ASH2L: variants seen among roughly 807,000 people sequenced by gnomAD.
ASH2L encodes set1/Ash2 histone methyltransferase complex subunit ASH2.
In ASH2L, 30 loss-of-function variants were observed where a neutral mutation model predicts 81.1. The observed-to-expected ratio is 0.37, with a 90% confidence interval of 0.28 to 0.50. The LOEUF (loss-of-function observed/expected upper bound fraction) is 0.50. Among genes scored for constraint, ASH2L ranks in the 20% least tolerant of loss-of-function variants. ASH2L has a pLI of 0.95. For synonymous variants in ASH2L, 273 were observed against 279.9 expected, an observed-to-expected ratio of 0.98 and a Z score of 0.24; for missense variants, 559 against 792.1, an observed-to-expected ratio of 0.71 and a Z score of 3.53.
In ASH2L at chr8:38,119,275, A is replaced by T. The variant is rs928034168; in HGVS notation, c.859A>T (p.Ile287Phe). The change falls in exon 9 of 16, where the codon ATT becomes TTT. Residue 287 changes from isoleucine (I) to phenylalanine (F), a missense_variant. By Grantham distance (21) the Ile-to-Phe change is conservative. This residue lies in a region of ASH2L where 318 missense variants were observed against 527.0 expected (regional missense o/e 0.60). Coordinates refer to ENST00000343823, the MANE Select transcript of ASH2L (RefSeq NM_004674.5). The part of the protein sequence containing the change: ...VSTSGNLNGG[I>F]AAGSSGKGRG... ...AATCTGCCTTCTCTTCAAAGGGGGA[A>T]TTGCAGCAGGAAGCAGCGGAAAAGG... The T allele has an allele frequency of 1.3e-6, 2 of 1,550,490 alleles. No individual in the cohort carries two copies. Among genetic ancestry groups the T allele is most frequent in the Non-Finnish European group, 1.7e-6 (2 of 1,146,476 alleles).
At chr8:38,105,864 C>G (rs913797855) in intron 1 of ASH2L, 126 bp downstream of exon 1, 1 of 1,442,318 alleles carries the variant, frequency 6.9e-7, no homozygotes, top group South Asian at 1.4e-5. Context: ...GCTCGCCCTG[C>G]CTCTGCGCCG....
chr8:38,132,796 CAAA>C (rs35293220), intron 12 of ASH2L, among the ~76,000 whole-genome samples: 19 of 130,560 alleles, frequency 1.5e-4, no homozygotes, highest in Middle Eastern at 4.3e-3. Context: ...GAGACTGTCT[CAAA>C]AAAAAAAAAA....
At chr8:38,138,942 C>T in intron 15 of ASH2L, 22 bp from the exon 16 acceptor site, 1 of 1,613,622 alleles carries the variant, frequency 6.2e-7, no homozygotes, top group Non-Finnish European at 8.5e-7. Flanking sequence ...TCACCGTGTT[C>T]TGTTTCTCAT....
chr8:38,123,827 T>C (rs1230977212), intron 10 of ASH2L, among the ~76,000 whole-genome samples: 1 of 152,210 alleles, frequency 6.6e-6, no homozygotes, highest in East Asian at 1.9e-4. Context: ...ATATATTCTT[T>C]TATCTCCCTT....
chr8:38,136,104 T>A (rs1423417457), intron 14 of ASH2L, among the ~76,000 whole-genome samples: 1 of 118,920 alleles, frequency 8.4e-6, no homozygotes, highest in African/African-American at 3.7e-5. Context: ...TTACAATGAT[T>A]TTTTTTTTTT....
At chr8:38,114,374 G>C in intron 6 of ASH2L, 87 bp downstream of exon 6, 1 of 833,508 alleles carries the variant, frequency 1.2e-6, no homozygotes, top group Non-Finnish European at 1.9e-6. Flanking sequence ...ATTGTGAAAT[G>C]ATAAAATTAG....
chr8:38,131,355 TA>T (rs980158542), intron 12 of ASH2L, among the ~76,000 whole-genome samples: 28 of 145,874 alleles, frequency 1.9e-4, no homozygotes, highest in South Asian at 2.2e-4. Flanking sequence ...TTCCTTTAAT[TA>T]AAAAAAAAAA....
At chr8:38,116,044 C>T (rs1810881223) in intron 7 of ASH2L, among the ~76,000 whole-genome samples, 1 of 151,646 alleles carries the variant, frequency 6.6e-6, no homozygotes, top group Non-Finnish European at 1.5e-5. Flanking sequence ...CTGGCCAACA[C>T]AGCGAAACTC....
intron 5 of ASH2L, among the ~76,000 whole-genome samples, chr8:38,113,322 G>A (rs1232487861): frequency 6.6e-6 from 1 of 152,024 alleles, no homozygotes; most frequent in Non-Finnish European, 1.5e-5. Flanking sequence ...TTCAACCATT[G>A]TAGCCCTATC....
At chr8:38,120,767 T>C (rs1811112089) in intron 9 of ASH2L, among the ~76,000 whole-genome samples, 165 bp from the exon 10 acceptor site, 1 of 152,004 alleles carries the variant, frequency 6.6e-6, no homozygotes, top group African/African-American at 2.4e-5. Flanking sequence ...CACTTCCTTG[T>C]TTTGCCTGAA....
intron 13 of ASH2L, among the ~76,000 whole-genome samples, chr8:38,134,821 T>C (rs1201997655): frequency 6.6e-6 from 1 of 152,106 alleles, no homozygotes; most frequent in South Asian, 2.1e-4. Flanking sequence ...CCCCCTCTTG[T>C]GGGAAGAGAA....
At chr8:38,124,796 CTT>C (rs1348016750) in intron 10 of ASH2L, 1 of 152,230 alleles carries the variant, frequency 6.6e-6, no homozygotes, top group Non-Finnish European at 1.5e-5. Flanking sequence ...GAATACCTGT[CTT>C]AGTCCCTTTG....
intron 7 of ASH2L, among the ~76,000 whole-genome samples, chr8:38,116,314 C>T (rs551322236): frequency 6.6e-6 from 1 of 152,092 alleles, no homozygotes; most frequent in East Asian, 1.9e-4. Context: ...TGCAGTAAGC[C>T]GATATCGCGC....
rs568729441 is a variant in ASH2L, at chr8:38,105,883, G to A, written c.188+145G>A. On this transcript the variant is annotated intron_variant, in intron 1 of 15. Transcript: ENST00000343823. ...GCCCTGCCTCTGCGCCGCTTGGCCC[G>A]TCCCCTCTCAAGCATATCTCGGATA... The A allele has an allele frequency of 2.3e-5, 33 of 1,439,194 alleles. No individual in the cohort carries two copies. In the African/African-American group the frequency reaches 3.0e-4, roughly 13 times the overall value. 89.2% of individuals were successfully genotyped at this position (1,439,194 alleles called of 1,614,324 possible).
At chr8:38,121,224 T>G (rs1359083810) in intron 10 of ASH2L, 75 bp downstream of exon 10, 1 of 1,357,114 alleles carries the variant, frequency 7.4e-7, no homozygotes, top group African/African-American at 1.4e-5. Flanking sequence ...CAGTCTAGAA[T>G]TAGGTGTACA....
Position 38,139,005 on chromosome 8 carries a change from G to A in ASH2L, c.1821G>A (p.Leu607=), listed in dbSNP as rs141244845. 13 of 1,613,372 alleles carry A rather than the reference G, an allele frequency of 8.1e-6. No individual in the cohort carries two copies. The highest frequency in any genetic ancestry group is 1.1e-5 in the Non-Finnish European group (13 of 1,179,706). The change falls in exon 16 of 16, where the codon CTG becomes CTA. Residue 607 remains leucine (L), a synonymous_variant. Coordinates refer to ENST00000343823, the MANE Select transcript of ASH2L (RefSeq NM_004674.5). ...MGWGAVVEHT[L]ADVLYHVETE... is the part of the protein sequence containing the mutation. Reference sequence around the variant, plus strand: ...GGGGCGCCGTGGTAGAGCACACCCTGGCTGACGTCTTGTATCACGTGGAGA... The same window carrying A: ...GGGGCGCCGTGGTAGAGCACACCCTAGCTGACGTCTTGTATCACGTGGAGA...
intron 5 of ASH2L, among the ~76,000 whole-genome samples, chr8:38,111,185 C>A (rs1253015021): frequency 6.6e-6 from 1 of 152,148 alleles, no homozygotes; most frequent in Non-Finnish European, 1.5e-5. Flanking sequence ...CTGGCTTCGG[C>A]CTCCCAAAGT....
intron 10 of ASH2L, among the ~76,000 whole-genome samples, chr8:38,126,502 T>C (rs1361493619): frequency 6.6e-6 from 1 of 152,214 alleles, no homozygotes; most frequent in Non-Finnish European, 1.5e-5. Flanking sequence ...TTATACATGA[T>C]GTGAACATTT....
At chr8:38,122,056 CT>C (rs1264095259) in intron 10 of ASH2L, among the ~76,000 whole-genome samples, 1 of 152,184 alleles carries the variant, frequency 6.6e-6, no homozygotes, top group Admixed American at 6.5e-5. Flanking sequence ...TCGATTTCCT[CT>C]TTCCCTTTTC....
Sources: gnomAD v4.1 joint callset for allele counts (sites outside exome capture counted in the v4.1 genomes callset) on GRCh38, gnomAD v4.1.1 for gene constraint, gnomAD v4.1.1 regional missense constraint, MANE v1.5 for transcripts, NCBI Gene and HGNC (gene_info 2026-07-23, HGNC 2026-07-21) for gene names.